Variants in RALYL observed in about 807,000 individuals in gnomAD.
The protein encoded by RALYL is RALY RNA binding protein like.
A neutral mutation model predicts 35.1 loss-of-function variants in RALYL; 29 were observed. The observed-to-expected ratio is 0.83, with a 90% CI of 0.61 to 1.13. The LOEUF is 1.13. Among genes scored for constraint, RALYL ranks in the 50% most tolerant of loss-of-function variants. RALYL has a pLI of 0.00. For missense variants in RALYL, 359 were observed against 360.4 expected (o/e 1.00, Z 0.03); for synonymous variants, 120 against 127.6 (o/e 0.94, Z 0.40).
At chr8:84,764,094 G>C (rs1378479845) in intron 2 of RALYL, among the ~76,000 whole-genome samples, 1 of 152,176 alleles carries the variant, frequency 6.6e-6, no homozygotes, top group African/African-American at 2.4e-5. Flanking sequence ...AACGTCTAAC[G>C]TTAGAATCTG....
intron 3 of RALYL, among the ~76,000 whole-genome samples, chr8:84,788,568 C>T (rs1820084656): frequency 6.6e-6 from 1 of 152,194 alleles, no homozygotes; most frequent in Non-Finnish European, 1.5e-5. Flanking sequence ...CAGTGAAACA[C>T]ATACAGCACT....
intron 2 of RALYL, among the ~76,000 whole-genome samples, chr8:84,701,392 G>C (rs905789022): frequency 1.3e-5 from 2 of 151,932 alleles, no homozygotes; most frequent in African/African-American, 2.4e-5. Context: ...GCATCTTTTC[G>C]GTTTTAATAT....
At position 84,325,940 on chromosome 8, in the gene RALYL, G is replaced by A. The variant is rs150954222; in HGVS notation, c.-24+141516G>A. 7.8e-3 allele frequency among the ~76,000 whole-genome samples: 1,184 copies of A among 152,052 alleles called. 20 individuals are homozygous for A. Among genetic ancestry groups the A allele is most frequent in the African/African-American group, 0.027 (1,136 of 41,486 alleles). On this transcript the variant is annotated intron_variant, in intron 1 of 8. Coordinates refer to ENST00000521268, the MANE Select transcript of RALYL (RefSeq NM_173848.7). ...AGCTCAAGAGTTTGAGACCAGCCCC[G>A]TCTCTACCAGAAATATAAAAACTTA...
chr8:84,721,621 C>A (rs1843927153), intron 2 of RALYL, among the ~76,000 whole-genome samples: 1 of 152,064 alleles, frequency 6.6e-6, no homozygotes. Flanking sequence ...GTTAGAGGAA[C>A]AAATTGTTTT....
chr8:84,507,216 A>G (rs1475360418), intron 1 of RALYL, among the ~76,000 whole-genome samples: 2 of 152,140 alleles, frequency 1.3e-5, no homozygotes, highest in Admixed American at 6.6e-5. Flanking sequence ...ATATAAAACT[A>G]CAATTATTTG....
chr8:84,554,160 G>C (rs540846360), intron 2 of RALYL, among the ~76,000 whole-genome samples: 1 of 152,206 alleles, frequency 6.6e-6, no homozygotes, highest in East Asian at 1.9e-4. Flanking sequence ...AAAAAATTAA[G>C]TAATCATGGC....
At chr8:84,192,902 T>G (rs1329126286) in intron 1 of RALYL, among the ~76,000 whole-genome samples, 3 of 92,018 alleles carry the variant, frequency 3.3e-5, no homozygotes, top group Non-Finnish European at 6.2e-5. Context: ...TGTGTGTGTG[T>G]GTGTGGGGGG....
At chr8:84,442,250 ATAACATAGC>A (rs1196747162) in intron 1 of RALYL, among the ~76,000 whole-genome samples, 3 of 152,184 alleles carry the variant, frequency 2.0e-5, no homozygotes, top group African/African-American at 7.2e-5. Context: ...CATCACTGTA[ATAACATAGC>A]TAAATTTAAA....
intron 1 of RALYL, among the ~76,000 whole-genome samples, chr8:84,307,714 G>T (rs574492714): frequency 6.6e-6 from 1 of 152,096 alleles, no homozygotes; most frequent in Non-Finnish European, 1.5e-5. Flanking sequence ...AGCAAGGACC[G>T]CCCCAGTTAC....
At chr8:84,512,315 GT>G (rs749400288) in intron 1 of RALYL, among the ~76,000 whole-genome samples, 6 of 151,738 alleles carry the variant, frequency 4.0e-5, no homozygotes, top group Non-Finnish European at 7.4e-5. Context: ...GATGTTGAAT[GT>G]TTTTCATATA....
At chr8:84,823,152 C>T (rs961088981) in intron 4 of RALYL, among the ~76,000 whole-genome samples, 1 of 151,868 alleles carries the variant, frequency 6.6e-6, no homozygotes, top group African/African-American at 2.4e-5. Context: ...TGATTTTGTA[C>T]AAAAGTATCA....
At chr8:84,567,600 C>A (rs965791364) in intron 2 of RALYL, among the ~76,000 whole-genome samples, 1 of 151,428 alleles carries the variant, frequency 6.6e-6, no homozygotes, top group Admixed American at 6.6e-5. Context: ...ATCTAATCAA[C>A]CATTGATGAG....
At chr8:84,535,415 T>C (rs2059530488) in intron 2 of RALYL, among the ~76,000 whole-genome samples, 1 of 149,828 alleles carries the variant, frequency 6.7e-6, no homozygotes, top group Non-Finnish European at 1.5e-5. Flanking sequence ...CTGTGCATGG[T>C]AGGATGTTAG....
intron 1 of RALYL, among the ~76,000 whole-genome samples, chr8:84,478,737 T>C (rs1293864885): frequency 1.3e-5 from 2 of 151,926 alleles, no homozygotes; most frequent in East Asian, 1.9e-4. Flanking sequence ...CTTCCTTGCA[T>C]AGTTTTTGCA....
intron 1 of RALYL, among the ~76,000 whole-genome samples, chr8:84,485,926 G>C (rs2054562623): frequency 1.3e-5 from 2 of 151,212 alleles, no homozygotes; most frequent in African/African-American, 4.9e-5. Context: ...CATTGCAATG[G>C]ATTCTCAAGA....
intron 1 of RALYL, among the ~76,000 whole-genome samples, chr8:84,292,534 G>A (rs537415606): frequency 6.6e-6 from 1 of 152,210 alleles, no homozygotes; most frequent in East Asian, 1.9e-4. Flanking sequence ...CTAAGTCACA[G>A]GATGAGATAG....
At chr8:84,703,827 G>A (rs1174262703) in intron 2 of RALYL, among the ~76,000 whole-genome samples, 2 of 152,116 alleles carry the variant, frequency 1.3e-5, no homozygotes, top group African/African-American at 4.8e-5. Context: ...TAAGAAATCA[G>A]CAAATAGCTT....
intron 4 of RALYL, among the ~76,000 whole-genome samples, chr8:84,827,727 C>T (rs995439676): frequency 3.3e-5 from 5 of 151,830 alleles, no homozygotes; most frequent in African/African-American, 1.2e-4. Context: ...TTGTAATATT[C>T]CATTTTCTGA....
At position 84,346,201 on chromosome 8, in the gene RALYL, A is replaced by G. The variant is rs542593196; in HGVS notation, c.-24+161777A>G. The G allele has an allele frequency of 8.1e-4, 319 of 395,218 alleles. 1 individual carries two copies. Among genetic ancestry groups the G allele is most frequent in the African/African-American group, 6.6e-3 (302 of 45,958 alleles). 24.5% of individuals were successfully genotyped at this position (395,218 alleles called of 1,614,324 possible). ...AAAATATTGCATTGTTGAATTTTAA[A>G]TGTATTTAAGCAAATTGATAACCAA... On this transcript the variant is annotated intron_variant, in intron 1 of 8. Coordinates refer to ENST00000521268, the MANE Select transcript of RALYL (RefSeq NM_173848.7).
Sources: allele counts gnomAD v4.1 joint callset (sites outside exome capture counted in the v4.1 genomes callset), GRCh38; gene constraint gnomAD v4.1.1; transcripts MANE v1.5; gene names NCBI Gene and HGNC (gene_info 2026-07-23, HGNC 2026-07-21).